WDR33: variants seen among roughly 807,000 people sequenced by gnomAD.
WDR33 encodes WD repeat domain 33, also known as pre-mRNA 3' end processing protein WDR33.
WDR33 carries 47 observed loss-of-function variants against 164.9 expected under a neutral mutation model. That is an observed-to-expected ratio of 0.29 (90% confidence interval 0.23 to 0.36). WDR33 has a LOEUF of 0.36. WDR33 is among the 10% of genes least tolerant of loss of function. The probability of loss-of-function intolerance (pLI) is 1.00; values close to 1 mark genes in which losing one functional copy is unlikely to be tolerated. For synonymous variants in WDR33, 505 were observed against 589.0 expected (o/e 0.86, Z 2.06); for missense variants, 1,137 against 1,754.1 (o/e 0.65, Z 6.28).
intron 7 of WDR33, among the ~76,000 whole-genome samples, chr2:127,749,520 G>A (rs1407203184): frequency 6.6e-6 from 1 of 151,856 alleles, no homozygotes; most frequent in Non-Finnish European, 1.5e-5. Flanking sequence ...AAATTAGCTG[G>A]GCATGGTGGC....
chr2:127,707,996 T>TACAG (rs1280729716), intron 21 of WDR33, among the ~76,000 whole-genome samples: 4 of 152,194 alleles, frequency 2.6e-5, no homozygotes, highest in Admixed American at 2.6e-4. Context: ...GGACCGTCCA[T>TACAG]ACAGACAGGC....
At chr2:127,758,489 G>C (rs1687582004) in intron 7 of WDR33, among the ~76,000 whole-genome samples, 1 of 151,656 alleles carries the variant, frequency 6.6e-6, no homozygotes, top group Admixed American at 6.6e-5. Flanking sequence ...AGGGCTACTG[G>C]GAAGATTAAA....
Position 127,770,102 on chromosome 2 carries a change from GT to G in WDR33, c.204+675del, listed in dbSNP as rs1687952620. ...CAGTGTCTCACAAAAATATTCCTAT[GT>G]TGGTAGTCTTTTATGATTTCATATA... On this transcript the variant is annotated intron_variant, in intron 2 of 21. Coordinates refer to ENST00000322313, the MANE Select transcript of WDR33 (RefSeq NM_018383.5). This position sits in a 1 kb window ranked among gnomAD's most constrained non-coding sequence, Gnocchi z 4.9. Among the ~76,000 whole-genome samples the G allele has an allele frequency of 6.6e-6, 1 of 152,190 alleles. No individual in the cohort carries two copies. The highest frequency in any genetic ancestry group is 2.1e-4 in the South Asian group (1 of 4,832).
intron 1 of WDR33, among the ~76,000 whole-genome samples, chr2:127,785,873 G>A (rs1214221395): frequency 2.0e-5 from 3 of 152,120 alleles, no homozygotes; most frequent in African/African-American, 7.2e-5. Context: ...GGGTATGCTT[G>A]GTTTTGTAAG....
At chr2:127,778,173 C>T (rs1018025088) in intron 1 of WDR33, among the ~76,000 whole-genome samples, 11 of 152,002 alleles carry the variant, frequency 7.2e-5, no homozygotes, top group African/African-American at 2.4e-4. Context: ...CAGTGGCTCA[C>T]GCCTGTAATC....
At chr2:127,803,756 G>A (rs1161136012) in intron 1 of WDR33, among the ~76,000 whole-genome samples, 1 of 151,904 alleles carries the variant, frequency 6.6e-6, no homozygotes, top group African/African-American at 2.4e-5. Flanking sequence ...CAAAAGGAAA[G>A]GAAAAGACAA....
intron 7 of WDR33, among the ~76,000 whole-genome samples, chr2:127,752,780 T>C (rs1402418833): frequency 6.6e-6 from 1 of 152,180 alleles, no homozygotes; most frequent in African/African-American, 2.4e-5. Flanking sequence ...GACATGGTGC[T>C]AAAGGGAAGA....
intron 7 of WDR33, among the ~76,000 whole-genome samples, chr2:127,744,506 T>C (rs1444780996): frequency 6.6e-6 from 1 of 152,136 alleles, no homozygotes; most frequent in African/African-American, 2.4e-5. Context: ...TTTCATGTAG[T>C]GATTTTTAAA....
chr2:127,752,596 CAAAAAAAA>C (rs34369142), intron 7 of WDR33, among the ~76,000 whole-genome samples: 4 of 76,596 alleles, frequency 5.2e-5, no homozygotes, highest in Admixed American at 1.5e-4. Context: ...GACTCCGTCT[CAAAAAAAA>C]AAAAAAAAAA....
At chr2:127,777,376 T>C (rs1463944324) in intron 1 of WDR33, among the ~76,000 whole-genome samples, 1 of 152,232 alleles carries the variant, frequency 6.6e-6, no homozygotes, top group Non-Finnish European at 1.5e-5. Flanking sequence ...TTTTAGCATA[T>C]ATAAAGATCC....
At chr2:127,749,587 G>A (rs1282826623) in intron 7 of WDR33, among the ~76,000 whole-genome samples, 2 of 151,328 alleles carry the variant, frequency 1.3e-5, no homozygotes, top group South Asian at 2.1e-4. Flanking sequence ...ACTTGAGCCA[G>A]GGAGGCGGAG....
intron 1 of WDR33, among the ~76,000 whole-genome samples, chr2:127,780,099 G>A (rs533882315): frequency 9.2e-5 from 14 of 151,502 alleles, no homozygotes; most frequent in African/African-American, 3.2e-4. Flanking sequence ...TCAGCCTCTC[G>A]AGTAGCTGGG....
In WDR33 at chr2:127,785,948, TC is replaced by T. The variant is rs1175911063; in HGVS notation, c.-23-14945del. Among the ~76,000 whole-genome samples the T allele has an allele frequency of 3.9e-5, 6 of 152,246 alleles. No individual in the cohort carries two copies. In the East Asian group the frequency reaches 9.6e-4, roughly 24 times the overall value. ...GCATTCCAACTGGCAAAGTGAGAGT[TC>T]TTGCTGCTCCGTATCGTTGACAGCA... On this transcript the variant is annotated intron_variant, in intron 1 of 21. Coordinates refer to ENST00000322313, the MANE Select transcript of WDR33 (RefSeq NM_018383.5).
At position 127,752,338 on chromosome 2, in the gene WDR33, C is replaced by A. The variant is rs559174622; in HGVS notation, c.724+10724G>T. Among the ~76,000 whole-genome samples the A allele has an allele frequency of 2.3e-3, 344 of 152,124 alleles. 1 individual carries two copies. Among genetic ancestry groups the A allele is most frequent in the African/African-American group, 7.9e-3 (328 of 41,502 alleles). On this transcript the variant is annotated intron_variant, in intron 7 of 21. Transcript: ENST00000322313. ...GGGCGCGGTGGCTCACGCCTGTAAT[C>A]CCAGCACTTTGGGAGGCCGAGGCGG...
chr2:127,717,017 C>G lies in WDR33; in HGVS notation c.2869+138G>C. On this transcript the variant is annotated intron_variant, in intron 17 of 21. Coordinates refer to ENST00000322313, the MANE Select transcript of WDR33 (RefSeq NM_018383.5). This position sits in a 1 kb window ranked among gnomAD's most constrained non-coding sequence, Gnocchi z 5.6. ...AACACAACCAAAGACAAAGCTCCTA[C>G]CTGAATGACCACACCCTTATTTTGC... The G allele has an allele frequency of 1.2e-6, 1 of 847,216 alleles. No individual in the cohort carries two copies. Among genetic ancestry groups the G allele is most frequent in the Middle Eastern group, 2.6e-4 (1 of 3,872 alleles). 52.5% of individuals were successfully genotyped at this position (847,216 alleles called of 1,614,324 possible). A position where few individuals can be genotyped will look rare whatever the true frequency, so the allele number is the denominator to read the frequency against.
Position 127,713,555 on chromosome 2 carries a change from G to A in WDR33, c.3308+28C>T. 6.2e-7 allele frequency: 1 copy of A among 1,610,520 alleles called. No homozygotes were observed. The highest frequency in any genetic ancestry group is 1.1e-5 in the South Asian group (1 of 90,574). On this transcript the variant is annotated intron_variant, in intron 18 of 21. Transcript: ENST00000322313. The surrounding 1 kb of genome is among the most constrained non-coding windows in gnomAD (Gnocchi z 6.2). The stretch of plus-strand genomic sequence containing the variant: ...CAGATAAAAAGCTCCACTGAAGATG[G>A]AATGGGCCCACAAAGTATCTGTCCC...
Position 127,701,872 on chromosome 2 carries a change from G to A in WDR33, c.*4451C>T. On this transcript the variant is annotated 3_prime_UTR_variant, in exon 22 of 22. Coordinates refer to ENST00000322313, the MANE Select transcript of WDR33 (RefSeq NM_018383.5). ...AAGTTCGCGCTGCTCTGGTCACTGG[G>A]CTCGGCGCTGGCGTTGGCGGGAAGC... The A allele has an allele frequency of 6.9e-7, 1 of 1,459,536 alleles. No individual in the cohort carries two copies. Among genetic ancestry groups the A allele is most frequent in the East Asian group, 3.1e-5 (1 of 32,484 alleles). The allele number at this position is 1,459,536 out of a possible 1,614,324, so 90.4% of individuals were successfully genotyped here.
chr2:127,729,217 A>G (rs151251902), intron 7 of WDR33, among the ~76,000 whole-genome samples: 2 of 152,252 alleles, frequency 1.3e-5, no homozygotes, highest in South Asian at 2.1e-4. Context: ...CTCATTTTAC[A>G]TCTGAAGACT....
chr2:127,787,518 C>A (rs1277659941), intron 1 of WDR33, among the ~76,000 whole-genome samples: 1 of 127,730 alleles, frequency 7.8e-6, no homozygotes, highest in African/African-American at 3.3e-5. Flanking sequence ...CCGGACGGGG[C>A]GGCTGGCCGG....
Sources: allele counts gnomAD v4.1 joint callset (sites outside exome capture counted in the v4.1 genomes callset), GRCh38; gene constraint gnomAD v4.1.1; non-coding constraint Gnocchi (gnomAD v3.1); transcripts MANE v1.5; gene names NCBI Gene and HGNC (gene_info 2026-07-23, HGNC 2026-07-21).